ARFGAP3: variants seen among roughly 807,000 people sequenced by gnomAD.
ARFGAP3 encodes ADP-ribosylation factor GTPase-activating protein 3.
In ARFGAP3, 72 loss-of-function variants were observed where a neutral mutation model predicts 75.0. The ratio of observed to expected loss-of-function variants is 0.96; its 90% CI spans 0.79 to 1.17. The LOEUF (loss-of-function observed/expected upper bound fraction) is 1.17. Among genes scored for constraint, ARFGAP3 ranks in the 50% most tolerant of loss-of-function variants. The probability of loss-of-function intolerance (pLI) is 0.00; values close to 1 mark genes in which losing one functional copy is unlikely to be tolerated. For missense variants in ARFGAP3, 620 were observed against 626.6 expected (o/e 0.99, Z 0.11); for synonymous variants, 221 against 217.9 (o/e 1.01, Z -0.13).
chr22:42,812,111 G>A (rs938928847), intron 11 of ARFGAP3, among the ~76,000 whole-genome samples: 6 of 150,336 alleles, frequency 4.0e-5, no homozygotes, highest in Admixed American at 3.4e-4. Context: ...ATGGTGGCAC[G>A]CCTATAGTCC....
intron 12 of ARFGAP3, among the ~76,000 whole-genome samples, chr22:42,810,089 T>C (rs1189407783): frequency 6.6e-6 from 1 of 151,650 alleles, no homozygotes; most frequent in Non-Finnish European, 1.5e-5. Flanking sequence ...ATCAGAATCT[T>C]CAGGGAAGAG....
At chr22:42,852,513 C>T (rs1927322106) in intron 1 of ARFGAP3, among the ~76,000 whole-genome samples, 1 of 150,244 alleles carries the variant, frequency 6.7e-6, no homozygotes, top group Non-Finnish European at 1.5e-5. Context: ...GCACATGGCA[C>T]CACGCCTGGC....
chr22:42,828,337 T>C (rs1318757997), intron 6 of ARFGAP3, among the ~76,000 whole-genome samples: 1 of 151,746 alleles, frequency 6.6e-6, no homozygotes, highest in African/African-American at 2.4e-5. Flanking sequence ...GGGGGACGCA[T>C]CATGAGGTCA....
chr22:42,802,649 T>C (rs1439590622), intron 14 of ARFGAP3, among the ~76,000 whole-genome samples: 2 of 138,490 alleles, frequency 1.4e-5, no homozygotes, highest in Non-Finnish European at 3.1e-5. Flanking sequence ...TTGCCCAGGC[T>C]GGAGTGCAGT....
intron 12 of ARFGAP3, 120 bp from the exon 13 acceptor site, chr22:42,809,010 G>A (rs949491638): frequency 2.6e-6 from 3 of 1,148,772 alleles, no homozygotes; most frequent in African/African-American, 3.2e-5. Flanking sequence ...ATTTTAGGCT[G>A]TTTTTAAAAG....
At chr22:42,818,322 T>C (rs1347633949) in intron 9 of ARFGAP3, among the ~76,000 whole-genome samples, 1 of 152,238 alleles carries the variant, frequency 6.6e-6, no homozygotes, top group Non-Finnish European at 1.5e-5. Flanking sequence ...GGCTATTACT[T>C]AATTGTAAAA....
chr22:42,804,376 A>ATTTTTTTTTT (rs1169858932), intron 14 of ARFGAP3, among the ~76,000 whole-genome samples: 1 of 74,478 alleles, frequency 1.3e-5, no homozygotes, highest in African/African-American at 6.0e-5. Flanking sequence ...CACCCAGCTA[A>ATTTTTTTTTT]TTTTTTTTTT....
rs920354496 is a variant in ARFGAP3, at chr22:42,834,127, G to A, written c.477+115C>T. The A allele has an allele frequency of 2.2e-5, 21 of 939,686 alleles. No homozygotes were observed. The East Asian group carries it at 4.8e-4, about 22-fold the overall frequency. 58.2% of individuals were successfully genotyped at this position (939,686 alleles called of 1,614,324 possible). ...TGTCATTTCTCTCTTCAGTAGTTAT[G>A]TTTCAGCACTTCTTGTTACAAGAGC... is the stretch of plus-strand genomic sequence containing the variant. On this transcript the variant is annotated intron_variant, in intron 5 of 15. Coordinates refer to ENST00000263245, the MANE Select transcript of ARFGAP3 (RefSeq NM_014570.5).
intron 2 of ARFGAP3, among the ~76,000 whole-genome samples, chr22:42,845,525 C>CAA (rs34483025): frequency 0.44 from 47,869 of 109,894 alleles, 9,492 homozygotes; most frequent in Non-Finnish European, 0.5. Context: ...GACTCCATCT[C>CAA]AAAAAAAAAA....
intron 14 of ARFGAP3, among the ~76,000 whole-genome samples, chr22:42,801,195 C>A (rs575690277): frequency 2.0e-5 from 3 of 152,168 alleles, no homozygotes; most frequent in Admixed American, 2.0e-4. Context: ...AGGCAGGTGT[C>A]AAGAGGCACA....
chr22:42,840,283 C>T (rs1926721892), intron 3 of ARFGAP3, among the ~76,000 whole-genome samples: 1 of 152,126 alleles, frequency 6.6e-6, no homozygotes, highest in South Asian at 2.1e-4. Flanking sequence ...CTAGCCAACG[C>T]TTCCTGTTTA....
chr22:42,797,802 C>T (rs1924671385), intron 15 of ARFGAP3, 197 bp from the exon 16 acceptor site: 2 of 925,788 alleles, frequency 2.2e-6, no homozygotes, highest in African/African-American at 1.8e-5. Context: ...GTGTGGGCTT[C>T]AGAACCCAAC....
At chr22:42,835,803 A>C (rs1173560752) in intron 3 of ARFGAP3, among the ~76,000 whole-genome samples, 1 of 152,084 alleles carries the variant, frequency 6.6e-6, no homozygotes, top group African/African-American at 2.4e-5. Context: ...TGGGCAACAG[A>C]GCAAGACTCC....
intron 11 of ARFGAP3, among the ~76,000 whole-genome samples, chr22:42,814,864 C>T (rs1925510848): frequency 6.6e-6 from 1 of 152,288 alleles, no homozygotes; most frequent in Admixed American, 6.5e-5. Flanking sequence ...GCCTCCCAAG[C>T]AGCTGGGACT....
chr22:42,844,788 C>T (rs1217341910), intron 2 of ARFGAP3, among the ~76,000 whole-genome samples: 1 of 152,156 alleles, frequency 6.6e-6, no homozygotes, highest in Non-Finnish European at 1.5e-5. Flanking sequence ...TGAGTACTTT[C>T]TCATCCTTGA....
chr22:42,799,484 T>C (rs533136209), intron 14 of ARFGAP3, among the ~76,000 whole-genome samples: 2 of 152,344 alleles, frequency 1.3e-5, no homozygotes, highest in South Asian at 2.1e-4. Flanking sequence ...GTGCTTAACA[T>C]AGCCCTGGCA....
chr22:42,799,074 A>G lies in ARFGAP3; in HGVS notation c.1498T>C (p.Ser500Pro), dbSNP rs777737751. ...GTCACGACTCCATTAGCAAAGACGGAGAGTTTTCCAGCAACCGATCTCACT... is the reference window on the plus strand; with the variant it reads ...GTCACGACTCCATTAGCAAAGACGGGGAGTTTTCCAGCAACCGATCTCACT... ...QGVRSVAGKL[S>P]VFANGVVTSI... The change falls in exon 15 of 16, where the codon TCC (serine) becomes CCC (proline). Residue 500 changes from serine (S) to proline (P), a missense_variant. Ser to Pro is a moderately conservative substitution (Grantham distance 74, BLOSUM62 -1). Transcript: ENST00000263245. 2.5e-6 allele frequency: 4 copies of G among 1,614,180 alleles called. No individual in the cohort carries two copies. Among genetic ancestry groups the G allele is most frequent in the East Asian group, 4.5e-5 (2 of 44,878 alleles).
chr22:42,806,000 T>C (rs1925103701), intron 14 of ARFGAP3, among the ~76,000 whole-genome samples: 1 of 152,220 alleles, frequency 6.6e-6, no homozygotes, highest in African/African-American at 2.4e-5. Context: ...CAACCCAGAA[T>C]GTCCGACACT....
chr22:42,829,058 A>ATAT (rs1926170252), intron 6 of ARFGAP3, among the ~76,000 whole-genome samples: 1 of 152,234 alleles, frequency 6.6e-6, no homozygotes, highest in African/African-American at 2.4e-5. Flanking sequence ...CACAAAAGAT[A>ATAT]TATAACGCAC....
Sources: gnomAD v4.1 joint callset for allele counts (sites outside exome capture counted in the v4.1 genomes callset) on GRCh38, gnomAD v4.1.1 for gene constraint, MANE v1.5 for transcripts, NCBI Gene and HGNC (gene_info 2026-07-23, HGNC 2026-07-21) for gene names.